Variants in GRIA3 observed in about 807,000 individuals in gnomAD.
GRIA3 encodes the protein glutamate ionotropic receptor AMPA type subunit 3, also known as glutamate receptor 3.
Under a neutral mutation model 63.0 loss-of-function variants are expected in GRIA3, and 3 were observed. That is an observed-to-expected ratio of 0.05 (90% CI 0.02 to 0.12). The LOEUF (loss-of-function observed/expected upper bound fraction) is 0.12. Among genes scored for constraint, GRIA3 ranks in the 10% least tolerant of loss-of-function variants. The pLI is 1.00. For synonymous variants in GRIA3, 274 were observed against 257.9 expected (o/e 1.06, Z -0.60); for missense variants, 347 against 700.9 (o/e 0.50, Z 5.70).
intron 3 of GRIA3, among the ~76,000 whole-genome samples, chrX:123,314,300 A>T (rs2044817589): frequency 1.8e-5 from 2 of 112,087 alleles, no homozygotes; most frequent in South Asian, 3.8e-4. Flanking sequence ...AGAGCTCAAC[A>T]GTCCATGGAG....
chrX:123,413,592 A>C, intron 10 of GRIA3, among the ~76,000 whole-genome samples: 1 of 100,557 alleles, frequency 9.9e-6, no homozygotes, highest in South Asian at 4.8e-4. Context: ...CTTTCTGGCC[A>C]ACTCATTCTC....
intron 3 of GRIA3, among the ~76,000 whole-genome samples, chrX:123,254,510 A>G (rs939861888): frequency 9.0e-6 from 1 of 111,128 alleles, no homozygotes; most frequent in African/African-American, 3.3e-5. Context: ...TCTCTAACTC[A>G]GAATTTTTAA....
At chrX:123,430,782 A>G (rs2045613334) in intron 12 of GRIA3, among the ~76,000 whole-genome samples, 1 of 110,852 alleles carries the variant, frequency 9.0e-6, no homozygotes, top group South Asian at 3.9e-4. Flanking sequence ...CAGGAGATTG[A>G]GACCAGCCTG....
chrX:123,289,386 T>C (rs1382695502), intron 3 of GRIA3, among the ~76,000 whole-genome samples: 19 of 107,280 alleles, frequency 1.8e-4, no homozygotes, highest in Non-Finnish European at 3.2e-4. Context: ...ACCTGCACGT[T>C]CTGCTCATGT....
chrX:123,379,124 T>C (rs1349479056), intron 5 of GRIA3, among the ~76,000 whole-genome samples: 1 of 111,431 alleles, frequency 9.0e-6, no homozygotes, highest in Non-Finnish European at 1.9e-5. Flanking sequence ...ATCATACAAG[T>C]GGAGAAAGTA....
At chrX:123,192,549 A>G (rs772910389) in intron 2 of GRIA3, among the ~76,000 whole-genome samples, 52 of 111,881 alleles carry the variant, frequency 4.6e-4, no homozygotes, top group Non-Finnish European at 7.9e-4. Context: ...CCCAGTGGAA[A>G]TAACCAGCAT....
At chrX:123,431,270 T>A (rs981452028) in intron 12 of GRIA3, among the ~76,000 whole-genome samples, 4 of 112,612 alleles carry the variant, frequency 3.6e-5, no homozygotes, top group African/African-American at 1.3e-4. Flanking sequence ...TCTTTTCTAA[T>A]TGCCCTGCAG....
At chrX:123,281,775 A>T (rs754693076) in intron 3 of GRIA3, among the ~76,000 whole-genome samples, 9 of 111,958 alleles carry the variant, frequency 8.0e-5, no homozygotes, top group Admixed American at 5.7e-4. Flanking sequence ...ATAAAATTTT[A>T]ATTTTCTTAC....
At chrX:123,429,380 C>T (rs1405422039) in intron 12 of GRIA3, among the ~76,000 whole-genome samples, 1 of 111,748 alleles carries the variant, frequency 8.9e-6, no homozygotes, top group African/African-American at 3.2e-5. Flanking sequence ...CAAGAATTCT[C>T]ATTGATTCAA....
At chrX:123,230,903 G>A (rs1278937219) in intron 2 of GRIA3, among the ~76,000 whole-genome samples, 1 of 111,965 alleles carries the variant, frequency 8.9e-6, no homozygotes, top group East Asian at 2.8e-4. Flanking sequence ...AATCAGAGAC[G>A]TCTCTCCCTG....
intron 10 of GRIA3, among the ~76,000 whole-genome samples, chrX:123,405,135 G>A (rs1017554725): frequency 1.8e-5 from 2 of 112,054 alleles, no homozygotes; most frequent in African/African-American, 3.2e-5. Context: ...TAGAATTGGG[G>A]GATTTTATTT....
chrX:123,369,073 A>G (rs773917680), intron 5 of GRIA3, among the ~76,000 whole-genome samples: 1 of 111,536 alleles, frequency 9.0e-6, no homozygotes, highest in South Asian at 3.7e-4. Flanking sequence ...CTAACTTTTA[A>G]TATCTCCCAC....
intron 3 of GRIA3, among the ~76,000 whole-genome samples, chrX:123,256,185 T>C (rs978176025): frequency 3.6e-5 from 4 of 111,578 alleles, no homozygotes; most frequent in Non-Finnish European, 1.9e-5. Context: ...CTCCCCAAGG[T>C]AGCCTTCCTT....
chrX:123,285,617 C>A (rs1210336956), intron 3 of GRIA3, among the ~76,000 whole-genome samples: 1 of 99,662 alleles, frequency 1.0e-5, no homozygotes, highest in East Asian at 3.1e-4. Flanking sequence ...GGGTTGCAGT[C>A]CTAGTCTCTG....
chrX:123,350,125 A>G (rs983937660), intron 4 of GRIA3, among the ~76,000 whole-genome samples: 1 of 111,860 alleles, frequency 8.9e-6, no homozygotes, highest in Non-Finnish European at 1.9e-5. Context: ...AAGTATTCAT[A>G]CAATAAATGA....
Position 123,296,430 on chromosome X carries a change from C to G in GRIA3, c.509-29596C>G, listed in dbSNP as rs181939785. On this transcript the variant is annotated intron_variant, in intron 3 of 15. Transcript: ENST00000620443. The stretch of plus-strand genomic sequence containing the variant: ...TTCCCCCTCCTGTTACCAGCACCCT[C>G]CCCAATTCCCACCCCAACCTCCACA... 3.6e-5 allele frequency among the ~76,000 whole-genome samples: 4 copies of G among 110,697 alleles called. No individual in the cohort carries two copies. In the East Asian group the frequency reaches 1.1e-3, roughly 32 times the overall value.
At chrX:123,479,926 G>T (rs1217306321) in intron 13 of GRIA3, 137 bp from the exon 14 acceptor site, 3 of 480,065 alleles carry the variant, frequency 6.2e-6, no homozygotes, top group Non-Finnish European at 1.1e-5. Context: ...TAATGCTCAG[G>T]TTGCCTGCAG....
At chrX:123,471,487 G>A (rs144993923) in intron 13 of GRIA3, among the ~76,000 whole-genome samples, 11 of 111,681 alleles carry the variant, frequency 9.8e-5, no homozygotes, top group African/African-American at 3.6e-4. Context: ...ATGACCAAAT[G>A]TCCAACACCA....
chrX:123,418,230 T>C (rs1006333710), intron 11 of GRIA3, among the ~76,000 whole-genome samples: 1 of 111,525 alleles, frequency 9.0e-6, no homozygotes, highest in African/African-American at 3.3e-5. Flanking sequence ...TGCCCTCCCT[T>C]TTTCATTTTG....
Sources: allele counts gnomAD v4.1 joint callset (sites outside exome capture counted in the v4.1 genomes callset), GRCh38; gene constraint gnomAD v4.1.1; transcripts MANE v1.5; gene names NCBI Gene and HGNC (gene_info 2026-07-23, HGNC 2026-07-21).